NIN: variants seen among roughly 807,000 people sequenced by gnomAD.
NIN encodes glycogen synthase kinase 3 beta-interacting protein.
In NIN, 137 loss-of-function variants were observed where a neutral mutation model predicts 257.6. The observed-to-expected ratio is 0.53, with a 90% CI of 0.46 to 0.61. NIN has a LOEUF of 0.61. NIN is among the 20% of genes least tolerant of loss of function. The pLI, the probability that NIN is intolerant of heterozygous loss-of-function variation, is 0.00. For missense variants in NIN, 2,439 were observed against 2,501.2 expected (o/e 0.98, Z 0.53); for synonymous variants, 918 against 919.8 (o/e 1.00, Z 0.04).
intron 28 of NIN, among the ~76,000 whole-genome samples, chr14:50,732,599 T>G (rs2040769665): frequency 6.6e-6 from 1 of 152,254 alleles, no homozygotes; most frequent in Non-Finnish European, 1.5e-5. Context: ...GCAAATTCTA[T>G]GTTAGGTATA....
Position 50,729,700 on chromosome 14 carries a change from C to G in NIN, c.5901G>C (p.Ala1967=). 6.2e-7 allele frequency: 1 copy of G among 1,608,696 alleles called. No homozygotes were observed. Among genetic ancestry groups the G allele is most frequent in the Non-Finnish European group, 8.5e-7 (1 of 1,177,300 alleles). The part of the protein sequence containing the change: ...LMEMQHLRST[A]TPSPSPHAWD... The stretch of plus-strand genomic sequence containing the variant: ...AAGCATGAGGGGACGGGCTAGGCGT[C>G]GCAGTGGACCTCAGGTGCTGCATCT... The change falls in exon 29 of 31, where the codon GCG becomes GCC. Residue 1967 remains alanine, a synonymous_variant. Coordinates refer to ENST00000530997, the MANE Select transcript of NIN (RefSeq NM_020921.4).
intron 12 of NIN, among the ~76,000 whole-genome samples, chr14:50,769,701 G>A (rs1246904733): frequency 2.6e-5 from 4 of 152,028 alleles, no homozygotes; most frequent in African/African-American, 9.7e-5. Context: ...AGGGTTTCAC[G>A]ATGTTGGCCA....
chr14:50,737,534 T>C (rs1237924241), intron 27 of NIN, among the ~76,000 whole-genome samples: 4 of 148,700 alleles, frequency 2.7e-5, no homozygotes, highest in African/African-American at 9.9e-5. Context: ...CATATTAAGA[T>C]GTTTCTAATA....
At position 50,729,021 on chromosome 14, in the gene NIN, C is replaced by T. The variant is rs80303283; in HGVS notation, c.6078+502G>A. Among the ~76,000 whole-genome samples the T allele has an allele frequency of 6.4e-3, 971 of 152,292 alleles. 10 individuals are homozygous for T. Among genetic ancestry groups the T allele is most frequent in the African/African-American group, 0.023 (935 of 41,550 alleles). On this transcript the variant is annotated intron_variant, in intron 29 of 30. Coordinates refer to ENST00000530997, the MANE Select transcript of NIN (RefSeq NM_020921.4). ...ACTTTGTTAGTAGCGCATATCCTAG[C>T]AACATTTAAATTCTGTAATATTTTT...
intron 12 of NIN, among the ~76,000 whole-genome samples, chr14:50,767,552 T>C (rs1476425721): frequency 6.6e-6 from 1 of 152,170 alleles, no homozygotes; most frequent in Non-Finnish European, 1.5e-5. Flanking sequence ...GCATAGTGGC[T>C]CACGCCTGTA....
Position 50,723,543 on chromosome 14 carries a change from C to T in NIN, c.6322G>A (p.Glu2108Lys), listed in dbSNP as rs746121172. The change falls in exon 31 of 31, where the codon GAG becomes AAG. Residue 2108 changes from glutamate to lysine, a missense_variant. Physicochemically the swap from Glu to Lys is moderately conservative, Grantham distance 56. Transcript: ENST00000530997. ...ATATTACTGAGGCTGGCAATCTTCT[C>T]CTCCAGGAGGTAATTTTTCTTCTCT... The part of the protein sequence containing the change: ...TAEKKNYLLE[E>K]KIASLSNIVR... 6.2e-7 allele frequency: 1 copy of T among 1,613,862 alleles called. No homozygotes were observed. The highest frequency in any genetic ancestry group is 1.7e-5 in the Admixed American group (1 of 60,004).
In NIN at chr14:50,759,856, C is replaced by A; in HGVS notation, c.2399+1G>T. On this transcript the variant is annotated splice_donor_variant, in intron 17 of 30. Coordinates refer to ENST00000530997, the MANE Select transcript of NIN (RefSeq NM_020921.4). LOFTEE classifies it high-confidence loss of function. ...AGCTTCATTTCCCTTCACTTTCTTA[C>A]CTTCCCTCCTGAAGCTCCCTTTGGT... 1 of 1,601,108 alleles carries A rather than the reference C, an allele frequency of 6.2e-7. No homozygotes were observed. The highest frequency in any genetic ancestry group is 1.1e-5 in the South Asian group (1 of 89,022).
Position 50,815,120 on chromosome 14 carries a change from G to T in NIN, c.183+6754C>A, listed in dbSNP as rs140657071. On this transcript the variant is annotated intron_variant, in intron 3 of 30. Coordinates refer to ENST00000530997, the MANE Select transcript of NIN (RefSeq NM_020921.4). ...TGAACAGACAACCTACAGAATAGGA[G>T]AAAATTTTTGCAATCTATCCATCTG... 4.2e-3 allele frequency among the ~76,000 whole-genome samples: 636 copies of T among 152,226 alleles called. 3 individuals carry two copies. The highest frequency in any genetic ancestry group is 7.2e-3 in the Non-Finnish European group (492 of 68,018).
At chr14:50,751,136 T>C (rs552227063) in intron 21 of NIN, among the ~76,000 whole-genome samples, 7 of 152,296 alleles carry the variant, frequency 4.6e-5, no homozygotes, top group South Asian at 4.1e-4. Flanking sequence ...CTTCATGGTA[T>C]GGACATAACC....
chr14:50,788,534 T>C (rs1311353429), intron 5 of NIN, among the ~76,000 whole-genome samples: 2 of 152,146 alleles, frequency 1.3e-5, no homozygotes, highest in African/African-American at 2.4e-5. Context: ...TTATGGGCAA[T>C]AGGAGAAGGC....
intron 2 of NIN, among the ~76,000 whole-genome samples, chr14:50,828,447 A>C (rs1018788997): frequency 1.3e-5 from 2 of 152,222 alleles, no homozygotes; most frequent in African/African-American, 4.8e-5. Flanking sequence ...AATAGGATAA[A>C]AATCTTTTTG....
intron 4 of NIN, among the ~76,000 whole-genome samples, chr14:50,795,654 T>C (rs974508386): frequency 6.6e-5 from 10 of 152,254 alleles, no homozygotes; most frequent in South Asian, 2.1e-4. Flanking sequence ...GGTGTCATTC[T>C]GGAATAATCT....
chr14:50,792,470 A>C, intron 5 of NIN: 2 of 503,756 alleles, frequency 4.0e-6, no homozygotes, highest in South Asian at 5.4e-5. Flanking sequence ...CTGAACTCTA[A>C]ATGTGTACAT....
intron 6 of NIN, among the ~76,000 whole-genome samples, chr14:50,778,376 C>T (rs2043000580): frequency 6.6e-6 from 1 of 152,132 alleles, no homozygotes; most frequent in Non-Finnish European, 1.5e-5. Flanking sequence ...CCATGTTGCC[C>T]AGGCTGGTCA....
chr14:50,733,433 A>C (rs975104033), intron 28 of NIN, among the ~76,000 whole-genome samples: 8 of 152,188 alleles, frequency 5.3e-5, no homozygotes, highest in African/African-American at 1.7e-4. Flanking sequence ...CATTAGAATA[A>C]ATAGGTATGA....
At chr14:50,771,706 C>T (rs2042740077) in intron 9 of NIN, among the ~76,000 whole-genome samples, 1 of 152,060 alleles carries the variant, frequency 6.6e-6, no homozygotes, top group Non-Finnish European at 1.5e-5. Flanking sequence ...ATTATCTTGG[C>T]CAGGTGCAGT....
chr14:50,732,703 A>T (rs1282276949), intron 28 of NIN, among the ~76,000 whole-genome samples: 1 of 149,452 alleles, frequency 6.7e-6, no homozygotes, highest in Non-Finnish European at 1.5e-5. Flanking sequence ...ATACCTCAAT[A>T]ACACTGTTTT....
intron 5 of NIN, among the ~76,000 whole-genome samples, chr14:50,790,002 G>C (rs2043516752): frequency 6.6e-6 from 1 of 152,192 alleles, no homozygotes; most frequent in South Asian, 2.1e-4. Context: ...GTGCAAAGCT[G>C]GGCTTTGCCT....
chr14:50,800,007 TACACACACACACAC>T (rs71118902), intron 4 of NIN, among the ~76,000 whole-genome samples: 45,685 of 148,172 alleles, frequency 0.31, 7,220 homozygotes, highest in East Asian at 0.53. Flanking sequence ...TATATACACA[TACACACACACACAC>T]ACACACACAC....
Sources: allele counts gnomAD v4.1 joint callset (sites outside exome capture counted in the v4.1 genomes callset), GRCh38; gene constraint gnomAD v4.1.1; transcripts MANE v1.5; gene names NCBI Gene and HGNC (gene_info 2026-07-23, HGNC 2026-07-21).